The following PTPRD variants were observed in gnomAD, a reference collection of about 807,000 sequenced individuals.
The protein encoded by PTPRD is protein tyrosine phosphatase receptor type D.
A neutral mutation model predicts 214.5 loss-of-function variants in PTPRD; 34 were observed. The observed-to-expected ratio is 0.16, with a 90% CI of 0.12 to 0.21. PTPRD has a LOEUF of 0.21. PTPRD is among the 10% of genes least tolerant of loss of function. The probability of loss-of-function intolerance (pLI) is 1.00; values close to 1 mark genes in which losing one functional copy is unlikely to be tolerated. For missense variants in PTPRD, 2,545 were observed against 2,398.7 expected (o/e 1.06, Z -1.27); for synonymous variants, 1,128 against 845.7 (o/e 1.33, Z -5.79).
At chr9:8,859,804 T>TGGGGGG (rs140012420) in intron 11 of PTPRD, among the ~76,000 whole-genome samples, 1 of 142,190 alleles carries the variant, frequency 7.0e-6, no homozygotes, top group African/African-American at 2.5e-5. Flanking sequence ...TCCAGCAATT[T>TGGGGGG]GGGGGTGGGG....
At chr9:9,472,377 G>C (rs1470044358) in intron 8 of PTPRD, among the ~76,000 whole-genome samples, 1 of 151,346 alleles carries the variant, frequency 6.6e-6, no homozygotes, top group Non-Finnish European at 1.5e-5. Flanking sequence ...CTAATTTTTT[G>C]TATTTTTAGT....
intron 9 of PTPRD, among the ~76,000 whole-genome samples, chr9:9,264,947 C>G (rs931875163): frequency 6.6e-6 from 1 of 150,422 alleles, no homozygotes; most frequent in African/African-American, 2.4e-5. Context: ...AGCTGTCTGT[C>G]CGTCAGAAAT....
At chr9:10,300,723 T>C (rs2095837080) in intron 3 of PTPRD, among the ~76,000 whole-genome samples, 1 of 152,064 alleles carries the variant, frequency 6.6e-6, no homozygotes, top group Admixed American at 6.6e-5. Flanking sequence ...AGATTCCTCC[T>C]CTCTAGGCAG....
intron 2 of PTPRD, among the ~76,000 whole-genome samples, chr9:10,437,818 G>T (rs1231667491): frequency 1.3e-5 from 2 of 150,612 alleles, no homozygotes; most frequent in Non-Finnish European, 3.0e-5. Context: ...CTGATAAAAT[G>T]CCTTTCACTC....
At chr9:9,184,873 T>A (rs1178034700) in intron 9 of PTPRD, among the ~76,000 whole-genome samples, 1 of 152,070 alleles carries the variant, frequency 6.6e-6, no homozygotes, top group African/African-American at 2.4e-5. Flanking sequence ...TAAATAGTTA[T>A]TCCTTCAGGA....
At chr9:9,549,666 G>C (rs756045561) in intron 8 of PTPRD, among the ~76,000 whole-genome samples, 1 of 152,028 alleles carries the variant, frequency 6.6e-6, no homozygotes, top group African/African-American at 2.4e-5. Context: ...ACTGATTTTT[G>C]ACAAGGAGAT....
intron 11 of PTPRD, among the ~76,000 whole-genome samples, chr9:8,945,059 T>A (rs944789357): frequency 3.9e-5 from 6 of 152,010 alleles, no homozygotes; most frequent in African/African-American, 7.2e-5. Context: ...AATTTAAAAA[T>A]TTTTTAAAAA....
intron 4 of PTPRD, among the ~76,000 whole-genome samples, chr9:9,996,599 T>C (rs1489149839): frequency 6.6e-6 from 1 of 152,184 alleles, no homozygotes; most frequent in Non-Finnish European, 1.5e-5. Context: ...GAGGAAAATA[T>C]GTAAACTGCC....
At chr9:9,787,398 G>A (rs1486214439) in intron 5 of PTPRD, among the ~76,000 whole-genome samples, 1 of 146,154 alleles carries the variant, frequency 6.8e-6, no homozygotes, top group Admixed American at 6.8e-5. Flanking sequence ...TCAAGATTCA[G>A]GAAGTGTTTA....
intron 7 of PTPRD, among the ~76,000 whole-genome samples, chr9:9,655,608 A>G (rs1399171456): frequency 1.3e-5 from 2 of 151,546 alleles, no homozygotes; most frequent in African/African-American, 4.9e-5. Flanking sequence ...ACCAAACCAA[A>G]CCAAACCAAG....
At chr9:10,280,062 G>T (rs1187049822) in intron 3 of PTPRD, among the ~76,000 whole-genome samples, 1 of 151,996 alleles carries the variant, frequency 6.6e-6, no homozygotes, top group Non-Finnish European at 1.5e-5. Context: ...AATTTTTATT[G>T]TTAAATATAT....
intron 14 of PTPRD, among the ~76,000 whole-genome samples, chr9:8,597,443 C>T (rs987633838): frequency 6.6e-6 from 1 of 151,926 alleles, no homozygotes; most frequent in African/African-American, 2.4e-5. Flanking sequence ...ATACACCCTC[C>T]TTGTTCCACA....
chr9:9,548,494 G>A (rs911222209), intron 8 of PTPRD, among the ~76,000 whole-genome samples: 15 of 146,100 alleles, frequency 1.0e-4, no homozygotes, highest in East Asian at 4.0e-4. Context: ...TGTAACCTCC[G>A]CTTCCTGGGT....
intron 3 of PTPRD, among the ~76,000 whole-genome samples, chr9:10,232,216 C>T (rs925259729): frequency 6.6e-6 from 1 of 151,738 alleles, no homozygotes; most frequent in Non-Finnish European, 1.5e-5. Flanking sequence ...CTAAATACAC[C>T]TTTTTTCCTT....
At chr9:9,585,385 A>G (rs1341735883) in intron 7 of PTPRD, among the ~76,000 whole-genome samples, 1 of 152,114 alleles carries the variant, frequency 6.6e-6, no homozygotes, top group Non-Finnish European at 1.5e-5. Context: ...TACAAGTTTC[A>G]TCTTCAATTC....
At chr9:8,692,487 C>T (rs1483182749) in intron 12 of PTPRD, among the ~76,000 whole-genome samples, 3 of 152,156 alleles carry the variant, frequency 2.0e-5, no homozygotes, top group East Asian at 1.9e-4. Context: ...TTAACCATTG[C>T]CTCATCTTTC....
intron 9 of PTPRD, among the ~76,000 whole-genome samples, chr9:9,345,786 A>G (rs1230524477): frequency 6.6e-6 from 1 of 152,130 alleles, no homozygotes; most frequent in Non-Finnish European, 1.5e-5. Flanking sequence ...AATGATATCA[A>G]CTTCAGAAGG....
At chr9:10,301,713 A>T (rs2154407252) in intron 3 of PTPRD, among the ~76,000 whole-genome samples, 1 of 152,284 alleles carries the variant, frequency 6.6e-6, no homozygotes, top group Middle Eastern at 3.4e-3. Context: ...AGAAGACAAG[A>T]TCAGAGAAAA....
chr9:8,956,327 A>T (rs971645831), intron 11 of PTPRD, among the ~76,000 whole-genome samples: 7 of 151,980 alleles, frequency 4.6e-5, no homozygotes, highest in Non-Finnish European at 8.8e-5. Context: ...AAAGAAAAAT[A>T]AAAACCATCC....
Sources: allele counts gnomAD v4.1 joint callset (sites outside exome capture counted in the v4.1 genomes callset), GRCh38; gene constraint gnomAD v4.1.1; transcripts MANE v1.5; gene names NCBI Gene and HGNC (gene_info 2026-07-23, HGNC 2026-07-21).